The following SREK1IP1 variants were observed in gnomAD, a reference collection of about 807,000 sequenced individuals.
The protein encoded by SREK1IP1 is SREK1 interacting protein 1.
A neutral mutation model predicts 22.8 loss-of-function variants in SREK1IP1; 12 were observed. The observed-to-expected ratio is 0.53, with a 90% CI of 0.34 to 0.85. The LOEUF (loss-of-function observed/expected upper bound fraction) is 0.85. Among genes scored for constraint, SREK1IP1 ranks in the 40% least tolerant of loss-of-function variants. SREK1IP1 has a pLI of 0.02. For missense variants in SREK1IP1, 147 were observed against 171.8 expected, an observed-to-expected ratio of 0.86 and a Z score of 0.81; for synonymous variants, 53 against 52.7, an observed-to-expected ratio of 1.01 and a Z score of -0.02.
intron 2 of SREK1IP1, among the ~76,000 whole-genome samples, chr5:64,751,431 G>A (rs137931736): frequency 5.4e-4 from 83 of 152,326 alleles, no homozygotes; most frequent in African/African-American, 2.0e-3. Context: ...TTAGAAAGAT[G>A]TAATTAAGTT....
chr5:64,764,810 A>G (rs1743008845), intron 1 of SREK1IP1, among the ~76,000 whole-genome samples: 1 of 152,220 alleles, frequency 6.6e-6, no homozygotes, highest in Non-Finnish European at 1.5e-5. Flanking sequence ...AATATAGACT[A>G]GAGAGAAAAC....
At chr5:64,747,512 T>G (rs546083376) in intron 2 of SREK1IP1, among the ~76,000 whole-genome samples, 3 of 152,306 alleles carry the variant, frequency 2.0e-5, no homozygotes, top group Admixed American at 1.3e-4. Context: ...ACATTTCTTA[T>G]GATCATAAAT....
chr5:64,754,492 T>C (rs1417425154), intron 1 of SREK1IP1, 130 bp from the exon 2 acceptor site: 14 of 771,794 alleles, frequency 1.8e-5, no homozygotes, highest in African/African-American at 3.5e-5. Flanking sequence ...TGAGACAAGG[T>C]GTCACTCTGT....
chr5:64,738,107 A>C (rs1198435784), intron 3 of SREK1IP1, among the ~76,000 whole-genome samples: 1 of 152,184 alleles, frequency 6.6e-6, no homozygotes, highest in Non-Finnish European at 1.5e-5. Context: ...AAAGCCAGAC[A>C]AAGGTACCTT....
intron 2 of SREK1IP1, among the ~76,000 whole-genome samples, chr5:64,746,551 GA>G (rs1340760742): frequency 6.6e-6 from 1 of 152,076 alleles, no homozygotes; most frequent in Non-Finnish European, 1.5e-5. Context: ...GTCTATAGAA[GA>G]AATACAAATG....
intron 2 of SREK1IP1, among the ~76,000 whole-genome samples, chr5:64,751,713 C>T (rs1192705122): frequency 6.6e-6 from 1 of 152,164 alleles, no homozygotes; most frequent in Non-Finnish European, 1.5e-5. Flanking sequence ...GGCAGTACCA[C>T]CTGTGGTTGA....
At chr5:64,768,178 T>C (rs1288739071) in intron 1 of SREK1IP1, among the ~76,000 whole-genome samples, 8 of 152,220 alleles carry the variant, frequency 5.3e-5, no homozygotes, top group Admixed American at 2.6e-4. Context: ...TTTTAAGCCA[T>C]ACCACAGTTA....
intron 1 of SREK1IP1, among the ~76,000 whole-genome samples, chr5:64,765,997 T>C (rs1165445097): frequency 6.6e-6 from 1 of 152,216 alleles, no homozygotes; most frequent in East Asian, 1.9e-4. Flanking sequence ...TCAGGATGCC[T>C]AGGCAATCTA....
In SREK1IP1 at chr5:64,728,113, C is replaced by CT. The variant is rs750306056; in HGVS notation, c.271dup (p.Arg91LysfsTer11). ...AATGTTGTTCAAAAAATACCTTTTC[C>CT]TTTTTTTTTTCAATTTGATTTTTTC... On this transcript the variant is annotated frameshift_variant, in exon 4 of 5. Coordinates refer to ENST00000513458, the MANE Select transcript of SREK1IP1 (RefSeq NM_173829.4). LOFTEE classifies it high-confidence loss of function. The CT allele has an allele frequency of 5.9e-3, 6,912 of 1,170,060 alleles. No homozygotes were observed. The highest frequency in any genetic ancestry group is 0.014 in the South Asian group (696 of 48,016). 72.5% of individuals were successfully genotyped at this position (1,170,060 alleles called of 1,614,324 possible). A position where few individuals can be genotyped will look rare whatever the true frequency, so the allele number is the denominator to read the frequency against.
intron 1 of SREK1IP1, 105 bp from the exon 2 acceptor site, chr5:64,754,467 CTTT>C: frequency 8.6e-7 from 1 of 1,162,910 alleles, no homozygotes; most frequent in South Asian, 1.4e-5. Flanking sequence ...TATAGAATTT[CTTT>C]TTTTTTGTTG....
intron 2 of SREK1IP1, 33 bp from the exon 3 acceptor site, chr5:64,741,233 T>C (rs1381701353): frequency 6.3e-7 from 1 of 1,586,876 alleles, no homozygotes; most frequent in South Asian, 1.1e-5. Flanking sequence ...ATGTGAGTGA[T>C]AAAACTATAG....
chr5:64,743,527 CTTAAT>C (rs1246112793), intron 2 of SREK1IP1, among the ~76,000 whole-genome samples: 5 of 152,062 alleles, frequency 3.3e-5, no homozygotes, highest in African/African-American at 1.2e-4. Flanking sequence ...TCTTCTCCAT[CTTAAT>C]TTTTTTGTCT....
At chr5:64,727,669 CA>C (rs1742299392) in intron 4 of SREK1IP1, 1 of 151,470 alleles carries the variant, frequency 6.6e-6, no homozygotes, top group Admixed American at 6.6e-5. Context: ...CTCAGCCTTC[CA>C]CATAGCTGGG....
chr5:64,744,586 T>C (rs1202171209), intron 2 of SREK1IP1, among the ~76,000 whole-genome samples: 1 of 152,202 alleles, frequency 6.6e-6, no homozygotes, highest in East Asian at 1.9e-4. Flanking sequence ...GAAATTGCCA[T>C]TTTTGTAGGT....
intron 4 of SREK1IP1, among the ~76,000 whole-genome samples, chr5:64,725,861 C>G (rs1012384508): frequency 2.7e-5 from 3 of 112,032 alleles, no homozygotes; most frequent in South Asian, 2.9e-4. Flanking sequence ...TTGTTTGTTT[C>G]TTTTTTTTTT....
At chr5:64,729,839 A>G (rs970429075) in intron 3 of SREK1IP1, among the ~76,000 whole-genome samples, 1 of 152,152 alleles carries the variant, frequency 6.6e-6, no homozygotes, top group African/African-American at 2.4e-5. Context: ...GTGGGTGGGA[A>G]GTAAAGATTT....
rs927948282 is a variant in SREK1IP1, at chr5:64,755,892, T to C, written c.14-1530A>G. On this transcript the variant is annotated intron_variant, in intron 1 of 4. Transcript: ENST00000513458. ...ACATTAAGGTTAACAAATATTCTCC[T>C]GTTTTCCATTAGAAGGAAAAAATAT... Among the ~76,000 whole-genome samples the C allele has an allele frequency of 2.0e-5, 3 of 151,940 alleles. No homozygotes were observed. In the South Asian group the frequency reaches 6.2e-4, roughly 31 times the overall value.
In SREK1IP1 at chr5:64,720,704, CG is replaced by C. The variant is rs1164928329; in HGVS notation, c.*3679del. The C allele has an allele frequency of 6.6e-6, 1 of 152,212 alleles. No homozygotes were observed. Among genetic ancestry groups the C allele is most frequent in the Non-Finnish European group, 1.5e-5 (1 of 68,092 alleles). 9.4% of individuals were successfully genotyped at this position (152,212 alleles called of 1,614,324 possible). ...TCTATTTTTAGTAGAGACAGGGTTT[CG>C]CCAAGTTGGCCAGGCTGGTCTTGAA... On this transcript the variant is annotated 3_prime_UTR_variant, in exon 5 of 5. Transcript: ENST00000513458.
intron 4 of SREK1IP1, among the ~76,000 whole-genome samples, chr5:64,725,787 T>C (rs908758347): frequency 3.9e-5 from 6 of 151,990 alleles, no homozygotes; most frequent in South Asian, 2.1e-4. Flanking sequence ...CTCTGGATTC[T>C]GACTAAAGCT....
Sources: allele counts gnomAD v4.1 joint callset (sites outside exome capture counted in the v4.1 genomes callset), GRCh38; gene constraint gnomAD v4.1.1; transcripts MANE v1.5; gene names NCBI Gene and HGNC (gene_info 2026-07-23, HGNC 2026-07-21).